The following CAND2 variants were observed in gnomAD, a reference collection of about 807,000 sequenced individuals.
CAND2 encodes the protein cullin associated and neddylation dissociated 2 (putative).
CAND2 carries 62 observed loss-of-function variants against 98.9 expected under a neutral mutation model. The ratio of observed to expected loss-of-function variants is 0.63; its 90% CI spans 0.51 to 0.77. The LOEUF (loss-of-function observed/expected upper bound fraction) is 0.77, where lower values mean the gene tolerates loss of function less well. Among genes scored for constraint, CAND2 ranks in the 30% least tolerant of loss-of-function variants. The pLI is 0.00. For synonymous variants in CAND2, 770 were observed against 731.9 expected (o/e 1.05, Z -0.84); for missense variants, 1,501 against 1,655.2 (o/e 0.91, Z 1.62).
At chr3:12,801,253 A>T (rs1015465597) in intron 1 of CAND2, among the ~76,000 whole-genome samples, 1 of 150,826 alleles carries the variant, frequency 6.6e-6, no homozygotes, top group Non-Finnish European at 1.5e-5. Context: ...GGCCAGGCTG[A>T]TCTAGAACTT....
Position 12,815,487 on chromosome 3 carries a change from A to ACG in CAND2, c.1299+55_1299+56insGC. ...CCCCGATTTGCCTACCCAGCCACTCACTGTTAGTGTCCCTGGACTTGGAAA... is the reference window on the plus strand; with the variant it reads ...CCCCGATTTGCCTACCCAGCCACTCACGCTGTTAGTGTCCCTGGACTTGGAAA... On this transcript the variant is annotated intron_variant, in intron 8 of 14. Transcript: ENST00000456430. The surrounding 1 kb of genome is among the most constrained non-coding windows in gnomAD (Gnocchi z 5.7). 1 of 1,508,706 alleles carries ACG rather than the reference A, an allele frequency of 6.6e-7. No individual in the cohort carries two copies. Among genetic ancestry groups the ACG allele is most frequent in the Non-Finnish European group, 9.0e-7 (1 of 1,105,498 alleles). The allele number at this position is 1,508,706 out of a possible 1,614,324, so 93.5% of individuals were successfully genotyped here. A position where few individuals can be genotyped will look rare whatever the true frequency, so the allele number is the denominator to read the frequency against.
chr3:12,831,428 A>C (rs2062052924), intron 13 of CAND2, 37 bp from the exon 14 acceptor site: 1 of 1,552,250 alleles, frequency 6.4e-7, no homozygotes, highest in South Asian at 1.1e-5. Context: ...TTGCTCCTGC[A>C]CCATTTCACT....
chr3:12,816,034 T>TGCTGTTCC (rs776197816), intron 9 of CAND2, 26 bp downstream of exon 9: 51 of 1,607,928 alleles, frequency 3.2e-5, no homozygotes, highest in Non-Finnish European at 4.3e-5. Flanking sequence ...ACCAGGTATC[T>TGCTGTTCC]GCTGTTCTGG....
Position 12,816,734 on chromosome 3 carries a change from A to G in CAND2, c.1802A>G (p.His601Arg), listed in dbSNP as rs1265332960. ...TCCTGCATGGGCCACCTTGTAGGCC[A>G]CCTGGGTGACCGGCTTGGGGATGAC... is the stretch of plus-strand genomic sequence containing the variant. ...AISCMGHLVGHLGDRLGDDLE... is the reference protein window; with the variant it reads ...AISCMGHLVGRLGDRLGDDLE... The change falls in exon 10 of 15, where the codon CAC (histidine) becomes CGC (arginine). Residue 601 changes from histidine (H) to arginine (R), a missense_variant. His to Arg is a conservative substitution (Grantham distance 29). Around this residue, in one of 3 missense-constraint regions of CAND2, gnomAD observed 1,427 missense variants for 1,545.3 expected, o/e 0.92. Transcript: ENST00000456430. 1.9e-6 allele frequency: 3 copies of G among 1,613,620 alleles called. No individual in the cohort carries two copies. Among genetic ancestry groups the G allele is most frequent in the African/African-American group, 2.7e-5 (2 of 75,036 alleles).
At chr3:12,812,800 C>A (rs1413334689) in intron 5 of CAND2, among the ~76,000 whole-genome samples, 190 bp from the exon 6 acceptor site, 4 of 152,220 alleles carry the variant, frequency 2.6e-5, no homozygotes, top group East Asian at 1.9e-4. Context: ...AATGTTGTGA[C>A]CTGCCCAAGG....
intron 11 of CAND2, among the ~76,000 whole-genome samples, chr3:12,825,235 G>A (rs1173362334): frequency 1.3e-5 from 2 of 151,986 alleles, no homozygotes; most frequent in Middle Eastern, 3.4e-3. Flanking sequence ...GCTCTCCAAG[G>A]TCCCACAGTA....
At position 12,815,778 on chromosome 3, in the gene CAND2, G is replaced by C. The variant is rs769240082; in HGVS notation, c.1300-89G>C. 15 of 1,267,468 alleles carry C rather than the reference G, an allele frequency of 1.2e-5. No homozygotes were observed. In the South Asian group the frequency reaches 1.7e-4, roughly 15 times the overall value. 78.5% of individuals were successfully genotyped at this position (1,267,468 alleles called of 1,614,324 possible). On this transcript the variant is annotated intron_variant, in intron 8 of 14. Transcript: ENST00000456430. The surrounding 1 kb of genome is among the most constrained non-coding windows in gnomAD (Gnocchi z 5.7). ...ATCTTGATGCCGACATCCTCCCTGGGGATGTGTCTGGCAAAGCCTCCTGGT... is the reference window on the plus strand; with the variant it reads ...ATCTTGATGCCGACATCCTCCCTGGCGATGTGTCTGGCAAAGCCTCCTGGT...
In CAND2 at chr3:12,822,518, C is replaced by T. The variant is rs184476181; in HGVS notation, c.3040+2337C>T. Among the ~76,000 whole-genome samples the T allele has an allele frequency of 3.9e-4, 59 of 152,140 alleles. 1 individual carries two copies. The highest frequency in any genetic ancestry group is 1.1e-3 in the African/African-American group (46 of 41,504). On this transcript the variant is annotated intron_variant, in intron 11 of 14. Transcript: ENST00000456430. ...TTTGCTATGTTACCCAGGCTGGTCTCGAACTCCTAGGCTTAAGTGATCCAC... is the reference window on the plus strand; with the variant it reads ...TTTGCTATGTTACCCAGGCTGGTCTTGAACTCCTAGGCTTAAGTGATCCAC...
At chr3:12,813,414 T>C in intron 7 of CAND2, 26 bp downstream of exon 7, 1 of 1,605,800 alleles carries the variant, frequency 6.2e-7, no homozygotes, top group South Asian at 1.1e-5. Flanking sequence ...ATCATTGGGG[T>C]TGGAGGGTGG....
At chr3:12,821,266 G>T (rs1177645558) in intron 11 of CAND2, among the ~76,000 whole-genome samples, 1 of 151,866 alleles carries the variant, frequency 6.6e-6, no homozygotes, top group African/African-American at 2.4e-5. Context: ...TGGGCATGGT[G>T]GTGGGCACCT....
intron 11 of CAND2, among the ~76,000 whole-genome samples, chr3:12,823,957 T>C (rs1443825036): frequency 2.4e-5 from 2 of 83,292 alleles, no homozygotes; most frequent in Non-Finnish European, 4.9e-5. Flanking sequence ...TTTTAGGGAT[T>C]CCCCCATCCT....
At chr3:12,797,515 C>G (rs982072019) in intron 1 of CAND2, among the ~76,000 whole-genome samples, 10 of 152,042 alleles carry the variant, frequency 6.6e-5, no homozygotes, top group Non-Finnish European at 1.3e-4. Flanking sequence ...TTCTTTCCCC[C>G]TCTCACAGCA....
chr3:12,796,924 C>A, intron 1 of CAND2, 136 bp downstream of exon 1: 1 of 744,098 alleles, frequency 1.3e-6, no homozygotes, highest in South Asian at 1.6e-5. Flanking sequence ...CATTAAGCTG[C>A]CCCCCTCCCC....
Position 12,813,110 on chromosome 3 carries a change from G to C in CAND2, c.863+15G>C. The C allele has an allele frequency of 6.4e-7, 1 of 1,569,340 alleles. No homozygotes were observed. The highest frequency in any genetic ancestry group is 8.7e-7 in the Non-Finnish European group (1 of 1,155,758). On this transcript the variant is annotated intron_variant, in intron 6 of 14. Coordinates refer to ENST00000456430, the MANE Select transcript of CAND2 (RefSeq NM_001162499.2). ...TTCTTGAGGAAGTATGTATGGTGGG[G>C]TTGCCTGGGGATCCCTTTGGGAAGT...
In CAND2 at chr3:12,810,124, G is replaced by C; in HGVS notation, c.557G>C (p.Ser186Thr). ...LLHCLLPQLSSPRLAVRKRAV... is the reference protein window; with the variant it reads ...LLHCLLPQLSTPRLAVRKRAV... ...CACTGTCTGCTGCCACAGCTGAGCA[G>C]CCCGCGCCTGGCGGTGCGCAAGCGG... Residue 186 changes from serine (S) to threonine (T), a missense_variant, in exon 5 of 15, where the codon AGC (serine) becomes ACC (threonine). Around this residue, in one of 3 missense-constraint regions of CAND2, gnomAD observed 1,427 missense variants for 1,545.3 expected, o/e 0.92. Coordinates refer to ENST00000456430, the MANE Select transcript of CAND2 (RefSeq NM_001162499.2). The C allele has an allele frequency of 6.6e-7, 1 of 1,517,494 alleles. No homozygotes were observed. Among genetic ancestry groups the C allele is most frequent in the Non-Finnish European group, 8.8e-7 (1 of 1,137,124 alleles). The allele number at this position is 1,517,494 out of a possible 1,614,324, so 94.0% of individuals were successfully genotyped here. A position where few individuals can be genotyped will look rare whatever the true frequency, so the allele number is the denominator to read the frequency against.
chr3:12,805,285 TTTC>T (rs1425961402), intron 2 of CAND2, among the ~76,000 whole-genome samples: 3 of 151,596 alleles, frequency 2.0e-5, no homozygotes, highest in South Asian at 2.1e-4. Context: ...TTCTTTTTTT[TTTC>T]TTCTTTTTTT....
chr3:12,817,291 G>A lies in CAND2; in HGVS notation c.2359G>A (p.Glu787Lys), dbSNP rs747695886. 1.9e-6 allele frequency: 3 copies of A among 1,613,972 alleles called. No homozygotes were observed. The highest frequency in any genetic ancestry group is 2.5e-6 in the Non-Finnish European group (3 of 1,180,028). ...CAGCCTGCTCACTGCGCCTGTTTAT[G>A]AGCAGGCTGTGGATGGTGGGCCTGG... Reference protein sequence around the residue: ...LISLLTAPVYEQAVDGGPGLH... With the variant: ...LISLLTAPVYKQAVDGGPGLH... Residue 787 changes from glutamate to lysine, a missense_variant, in exon 10 of 15, where the codon GAG becomes AAG. By Grantham distance (56) the Glu-to-Lys change is moderately conservative (BLOSUM62 1). This residue lies in a region of CAND2 where 1,427 missense variants were observed against 1,545.3 expected (regional missense o/e 0.92). Transcript: ENST00000456430.
At chr3:12,803,745 C>G (rs2061784417) in intron 2 of CAND2, 114 bp downstream of exon 2, 4 of 870,990 alleles carry the variant, frequency 4.6e-6, no homozygotes, top group Non-Finnish European at 6.7e-6. Flanking sequence ...CTGAGCAGCT[C>G]TCGTTGAATG....
chr3:12,803,837 A>C (rs1214651959), intron 2 of CAND2, among the ~76,000 whole-genome samples: 1 of 152,124 alleles, frequency 6.6e-6, no homozygotes, highest in Non-Finnish European at 1.5e-5. Context: ...CCCAGGAAAC[A>C]TGGTAGAGGA....
Sources: allele counts gnomAD v4.1 joint callset (sites outside exome capture counted in the v4.1 genomes callset), GRCh38; gene constraint gnomAD v4.1.1; regional missense constraint gnomAD v4.1.1; non-coding constraint Gnocchi (gnomAD v3.1); transcripts MANE v1.5; gene names NCBI Gene and HGNC (gene_info 2026-07-23, HGNC 2026-07-21).